The following RGMA variants were observed in gnomAD, a reference collection of about 807,000 sequenced individuals.
The protein encoded by RGMA is repulsive guidance molecule A.
In RGMA, 10 loss-of-function variants were observed where a neutral mutation model predicts 23.2. That is an observed-to-expected ratio of 0.43 (90% CI 0.27 to 0.73). RGMA has a LOEUF of 0.73. RGMA is among the 30% of genes least tolerant of loss of function. RGMA has a pLI of 0.20. For missense variants in RGMA, 547 were observed against 630.5 expected (o/e 0.87, Z 1.42); for synonymous variants, 308 against 279.3 (o/e 1.10, Z -1.03).
intron 1 of RGMA, among the ~76,000 whole-genome samples, chr15:93,076,634 G>A (rs908971119): frequency 6.6e-6 from 1 of 152,162 alleles, no homozygotes; most frequent in East Asian, 1.9e-4. Context: ...ATATTTTGAC[G>A]TATTTTTACA....
intron 2 of RGMA, chr15:93,066,683 C>T (rs949578093): frequency 7.6e-5 from 29 of 383,892 alleles, no homozygotes; most frequent in Admixed American, 7.0e-5. Context: ...CCCCCGCCGC[C>T]GCCCGGTTTT....
intron 2 of RGMA, among the ~76,000 whole-genome samples, chr15:93,070,915 A>G (rs570055176): frequency 6.6e-6 from 1 of 152,372 alleles, no homozygotes; most frequent in South Asian, 2.1e-4. Context: ...CTTTAAAATA[A>G]AAGTTTTTAG....
chr15:93,050,713 C>T (rs1418003997), intron 3 of RGMA, among the ~76,000 whole-genome samples: 5 of 152,208 alleles, frequency 3.3e-5, no homozygotes, highest in Non-Finnish European at 7.3e-5. Flanking sequence ...TGCTTCCACC[C>T]CCTGGGGTCT....
rs555232557 is a variant in RGMA at position 93,068,760 on chromosome 15, T to G, written c.130+4156A>C. On this transcript the variant is annotated intron_variant, in intron 2 of 3. Transcript: ENST00000329082. ...AAAGCCTAACCCCAAAGTGATGGTA[T>G]GAGAAGTAGGAGGGATCTGGGAAGT... Among the ~76,000 whole-genome samples the G allele has an allele frequency of 2.0e-5, 3 of 152,276 alleles. No homozygotes were observed. The South Asian group carries it at 6.2e-4, about 32-fold the overall frequency.
intron 1 of RGMA, among the ~76,000 whole-genome samples, chr15:93,074,501 A>C (rs1567194607): frequency 6.6e-6 from 1 of 152,250 alleles, no homozygotes; most frequent in East Asian, 1.9e-4. Flanking sequence ...GCTGTGCAAC[A>C]GGGCAACACG....
At chr15:93,057,420 C>T (rs370134156) in intron 2 of RGMA, among the ~76,000 whole-genome samples, 29 of 152,284 alleles carry the variant, frequency 1.9e-4, no homozygotes, top group East Asian at 1.5e-3. Flanking sequence ...TCTCTCCCTG[C>T]CCCCTCTCCC....
chr15:93,044,601 C>A lies in RGMA; in HGVS notation c.*397G>T, dbSNP rs772165560. 1.1e-3 allele frequency: 301 copies of A among 265,586 alleles called. No homozygotes were observed. Among genetic ancestry groups the A allele is most frequent in the Non-Finnish European group, 1.8e-3 (246 of 137,748 alleles). 16.5% of individuals were successfully genotyped at this position (265,586 alleles called of 1,614,324 possible). A position where few individuals can be genotyped will look rare whatever the true frequency, so the allele number is the denominator to read the frequency against. On this transcript the variant is annotated 3_prime_UTR_variant, in exon 4 of 4. Coordinates refer to ENST00000329082, the MANE Select transcript of RGMA (RefSeq NM_020211.3). ...GCGTGCGTGTGGCGGGCACAGGGGGCCCCACGGATCGGCGAGCAGCAGTCG... is the reference window on the plus strand; with the variant it reads ...GCGTGCGTGTGGCGGGCACAGGGGGACCCACGGATCGGCGAGCAGCAGTCG...
At chr15:93,050,671 G>A (rs562370091) in intron 3 of RGMA, among the ~76,000 whole-genome samples, 38 of 152,312 alleles carry the variant, frequency 2.5e-4, no homozygotes, top group African/African-American at 7.2e-4. Context: ...AATCCTCCCC[G>A]GTGCGTGGCT....
In RGMA at chr15:93,043,300, G is replaced by A. The variant is rs1208244364; in HGVS notation, c.*1698C>T. Reference sequence around the variant, plus strand: ...TACACACATGCGCGCACACACACATGCGCGCACACACACACACTTGCTGCA... The same window carrying A: ...TACACACATGCGCGCACACACACATACGCGCACACACACACACTTGCTGCA... On this transcript the variant is annotated 3_prime_UTR_variant, in exon 4 of 4. Coordinates refer to ENST00000329082, the MANE Select transcript of RGMA (RefSeq NM_020211.3). The A allele has an allele frequency of 6.7e-6, 1 of 149,082 alleles. No homozygotes were observed. The highest frequency in any genetic ancestry group is 1.5e-5 in the Non-Finnish European group (1 of 67,522). The allele number at this position is 149,082 out of a possible 1,614,324, so 9.2% of individuals were successfully genotyped here. A position where few individuals can be genotyped will look rare whatever the true frequency, so the allele number is the denominator to read the frequency against.
chr15:93,068,435 T>TA (rs2141835191), intron 2 of RGMA, among the ~76,000 whole-genome samples: 1 of 152,304 alleles, frequency 6.6e-6, no homozygotes, highest in African/African-American at 2.4e-5. Context: ...CTCCATCTCA[T>TA]AGAGTGGCCT....
Position 93,043,872 on chromosome 15 carries a change from C to T in RGMA, c.*1126G>A, listed in dbSNP as rs13167. The stretch of plus-strand genomic sequence containing the variant: ...GAAGCCTGGCTTTGTGCTGTGGGCA[C>T]AGCAGCACAGGTGGGACTGTTCTGG... On this transcript the variant is annotated 3_prime_UTR_variant, in exon 4 of 4. Transcript: ENST00000329082. 108,934 of 152,288 alleles carry T rather than the reference C, an allele frequency of 0.72. 41,818 individuals carry two copies. Among genetic ancestry groups the T allele is most frequent in the Non-Finnish European group, 0.88 (59,752 of 68,092 alleles). The allele number at this position is 152,288 out of a possible 1,614,324, so 9.4% of individuals were successfully genotyped here.
Position 93,045,547 on chromosome 15 carries a change from C to T in RGMA, c.804G>A (p.Gln268=), listed in dbSNP as rs1449068092. ...SLKITEKVSG[Q]HVEIQAKYIG... is the part of the protein sequence containing the mutation. ...TGTACTTGGCCTGGATCTCCACGTG[C>T]TGGCCTGACACCTTCTCAGTGATCT... Residue 268 remains glutamine (Q), a synonymous_variant, in exon 4 of 4, where the codon CAG becomes CAA. Transcript: ENST00000329082. The surrounding 1 kb of genome is among the most constrained non-coding windows in gnomAD (Gnocchi z 6.9). The T allele has an allele frequency of 6.2e-7, 1 of 1,613,356 alleles. No homozygotes were observed. The highest frequency in any genetic ancestry group is 1.1e-5 in the South Asian group (1 of 91,082).
At chr15:93,074,975 G>C (rs1443700398) in intron 1 of RGMA, among the ~76,000 whole-genome samples, 1 of 152,174 alleles carries the variant, frequency 6.6e-6, no homozygotes, top group Admixed American at 6.5e-5. Context: ...CACTGCTGCA[G>C]CATGTCCAGG....
At position 93,072,884 on chromosome 15, in the gene RGMA, C is replaced by T. The variant is rs773984575; in HGVS notation, c.130+32G>A. The T allele has an allele frequency of 7.0e-6, 11 of 1,576,732 alleles. No homozygotes were observed. In the East Asian group the frequency reaches 1.2e-4, roughly 17 times the overall value. On this transcript the variant is annotated intron_variant, in intron 2 of 3. Transcript: ENST00000329082. ...AGCATTGAGGGGCGGCCCAGGGACC[C>T]GGCCCCGCGCGCCCGGCCGGCAGTG...
chr15:93,036,822 C>A lies in RGMA; in HGVS notation c.*8176G>T, dbSNP rs1019528134. On this transcript the variant is annotated 3_prime_UTR_variant, in exon 4 of 4. Coordinates refer to ENST00000329082, the MANE Select transcript of RGMA (RefSeq NM_020211.3). The stretch of plus-strand genomic sequence containing the variant: ...TCTCCTACCAGACCCTGCTTGTAAC[C>A]TGGAGTGGGTCAGTTGGCTTCTCTT... The A allele has an allele frequency of 6.6e-6, 1 of 152,338 alleles. No individual in the cohort carries two copies. Among genetic ancestry groups the A allele is most frequent in the Non-Finnish European group, 1.5e-5 (1 of 68,102 alleles). 9.4% of individuals were successfully genotyped at this position (152,338 alleles called of 1,614,324 possible). A position where few individuals can be genotyped will look rare whatever the true frequency, so the allele number is the denominator to read the frequency against.
chr15:93,079,407 T>C lies in RGMA; in HGVS notation c.15-6376A>G, dbSNP rs540348134. On this transcript the variant is annotated intron_variant, in intron 1 of 3. Transcript: ENST00000329082. ...TCCTTAAAGAATGCTAATAGATTGG[T>C]TGGGTTTCATGTTCTTTTTAGAGAA... Among the ~76,000 whole-genome samples, 6 of 152,340 alleles carry C rather than the reference T, an allele frequency of 3.9e-5. No individual in the cohort carries two copies. In the South Asian group the frequency reaches 6.2e-4, roughly 16 times the overall value.
chr15:93,044,965 A>T lies in RGMA; in HGVS notation c.*33T>A. ...GCCCACACATGGGGAAGCCGAGAGG[A>T]CGGAGCCCGCGCCTCCCTCCACATC... is the stretch of plus-strand genomic sequence containing the variant. On this transcript the variant is annotated 3_prime_UTR_variant, in exon 4 of 4. Coordinates refer to ENST00000329082, the MANE Select transcript of RGMA (RefSeq NM_020211.3). 3 of 1,533,158 alleles carry T rather than the reference A, an allele frequency of 2.0e-6. No homozygotes were observed. The highest frequency in any genetic ancestry group is 2.7e-6 in the Non-Finnish European group (3 of 1,131,478). The allele number at this position is 1,533,158 out of a possible 1,614,324, so 95.0% of individuals were successfully genotyped here.
At position 93,089,022 on chromosome 15, in the gene RGMA, T is replaced by C; in HGVS notation, c.-90A>G. 3 of 776,082 alleles carry C rather than the reference T, an allele frequency of 3.9e-6. No individual in the cohort carries two copies. The highest frequency in any genetic ancestry group is 3.6e-6 in the Non-Finnish European group (2 of 549,798). The allele number at this position is 776,082 out of a possible 1,614,324, so 48.1% of individuals were successfully genotyped here. A position where few individuals can be genotyped will look rare whatever the true frequency, so the allele number is the denominator to read the frequency against. On this transcript the variant is annotated 5_prime_UTR_variant, in exon 1 of 4. Coordinates refer to ENST00000329082, the MANE Select transcript of RGMA (RefSeq NM_020211.3). The stretch of plus-strand genomic sequence containing the variant: ...GCCGCTCGTCTGCCCCGGGGCAAGG[T>C]GGGAGGGGCTCCGCTGGCGCTGGTC...
chr15:93,055,100 G>T (rs1410739051), intron 2 of RGMA, among the ~76,000 whole-genome samples: 1 of 152,076 alleles, frequency 6.6e-6, no homozygotes, highest in Non-Finnish European at 1.5e-5. Flanking sequence ...GGGGCCCGGT[G>T]TGCTGACCTG....
Sources: allele counts gnomAD v4.1 joint callset (sites outside exome capture counted in the v4.1 genomes callset), GRCh38; gene constraint gnomAD v4.1.1; non-coding constraint Gnocchi (gnomAD v3.1); transcripts MANE v1.5; gene names NCBI Gene and HGNC (gene_info 2026-07-23, HGNC 2026-07-21).